Variants in PLCE1 observed in about 807,000 individuals in gnomAD.
PLCE1 encodes the protein 1-phosphatidylinositol 4,5-bisphosphate phosphodiesterase epsilon-1.
Under a neutral mutation model 242.8 loss-of-function variants are expected in PLCE1, and 119 were observed. The ratio of observed to expected loss-of-function variants is 0.49; its 90% CI spans 0.42 to 0.57. The LOEUF (loss-of-function observed/expected upper bound fraction) is 0.57. Ranked by LOEUF, PLCE1 falls within the 20% of genes least tolerant of loss-of-function variation. The pLI, the probability that PLCE1 is intolerant of heterozygous loss-of-function variation, is 0.00. For synonymous variants in PLCE1, 945 were observed against 1,017.4 expected (o/e 0.93, Z 1.35); for missense variants, 2,441 against 2,788.8 (o/e 0.88, Z 2.81).
At chr10:94,104,724 C>G (rs1286623998) in intron 2 of PLCE1, 2 of 152,202 alleles carry the variant, frequency 1.3e-5, no homozygotes, top group East Asian at 3.8e-4. Context: ...ACGGTGGACT[C>G]AAGTACAGTT....
intron 8 of PLCE1, among the ~76,000 whole-genome samples, chr10:94,248,531 A>G (rs2050767054): frequency 6.6e-6 from 1 of 152,182 alleles, no homozygotes. Context: ...TGGAGGTTGC[A>G]GTGAGCCAAG....
rs3051253 is a variant in PLCE1, at chr10:94,110,058, C to T, written c.1207-22116C>T. On this transcript the variant is annotated intron_variant, in intron 2 of 32. Coordinates refer to ENST00000371380, the MANE Select transcript of PLCE1 (RefSeq NM_016341.4). Reference sequence around the variant, plus strand: ...AGACCCTTTCCTTTTTTTCTTTTTTCTTTTTTTTTTTTTTTTTTTTTTGAG... The same window carrying T: ...AGACCCTTTCCTTTTTTTCTTTTTTTTTTTTTTTTTTTTTTTTTTTTTGAG... Among the ~76,000 whole-genome samples the T allele has an allele frequency of 2.1e-3, 156 of 75,894 alleles. 1 individual carries two copies. In the East Asian group the frequency reaches 0.034, roughly 17 times the overall value. The allele number at this position is 75,894 out of a possible 152,430, so 49.8% of individuals were successfully genotyped here. A position where few individuals can be genotyped will look rare whatever the true frequency, so the allele number is the denominator to read the frequency against.
intron 7 of PLCE1, among the ~76,000 whole-genome samples, chr10:94,240,940 C>A (rs1412861289): frequency 2.6e-5 from 4 of 152,170 alleles, no homozygotes; most frequent in Non-Finnish European, 5.9e-5. Context: ...TCCACCTTAT[C>A]CCTTCTTGTA....
At chr10:94,228,121 C>T (rs1272665784) in intron 5 of PLCE1, among the ~76,000 whole-genome samples, 2 of 152,216 alleles carry the variant, frequency 1.3e-5, no homozygotes, top group Non-Finnish European at 2.9e-5. Context: ...TGAGCTTGAC[C>T]ACTATGATAT....
At chr10:94,280,199 C>T in intron 20 of PLCE1, 1 of 447,566 alleles carries the variant, frequency 2.2e-6, no homozygotes, top group South Asian at 2.2e-5. Context: ...CCTGTTTTCA[C>T]CCTTTAGTTT....
At chr10:93,999,179 A>T (rs1332821341) in intron 1 of PLCE1, among the ~76,000 whole-genome samples, 1 of 152,242 alleles carries the variant, frequency 6.6e-6, no homozygotes, top group Non-Finnish European at 1.5e-5. Context: ...AAAGCTATCA[A>T]AATAAGAGAA....
In PLCE1 at chr10:94,262,679, G is replaced by T; in HGVS notation, c.4000G>T (p.Val1334Leu). 1.9e-6 allele frequency: 3 copies of T among 1,614,026 alleles called. No individual in the cohort carries two copies. The highest frequency in any genetic ancestry group is 2.5e-6 in the Non-Finnish European group (3 of 1,179,962). ...VGILQLNDFL[V>L]NCQGEHCTYD... ...CATACTTCAGCTCAACGATTTCCTC[G>T]TGAATTGCCAAGGAGAACACTGCAC... The change falls in exon 14 of 33, where the codon GTG becomes TTG. Residue 1334 changes from valine to leucine, a missense_variant. Val to Leu is a conservative substitution (Grantham distance 32, BLOSUM62 1). Around this residue, in one of 5 missense-constraint regions of PLCE1, gnomAD observed 1,004 missense variants for 1,322.7 expected, o/e 0.76. Transcript: ENST00000371380.
chr10:94,322,582 C>T (rs1453814205), intron 30 of PLCE1, among the ~76,000 whole-genome samples: 1 of 151,924 alleles, frequency 6.6e-6, no homozygotes, highest in African/African-American at 2.4e-5. Flanking sequence ...GTCAGGAGTT[C>T]GAGACCAGCC....
At chr10:94,116,991 G>A (rs2046152169) in intron 2 of PLCE1, among the ~76,000 whole-genome samples, 1 of 152,166 alleles carries the variant, frequency 6.6e-6, no homozygotes, top group African/African-American at 2.4e-5. Flanking sequence ...CAGGACCTCT[G>A]CCTCCTGTCT....
intron 7 of PLCE1, among the ~76,000 whole-genome samples, chr10:94,239,870 T>C (rs937883433): frequency 1.3e-5 from 2 of 152,108 alleles, no homozygotes; most frequent in African/African-American, 2.4e-5. Flanking sequence ...AGGAAATCAG[T>C]TATTCTCCAC....
At chr10:94,040,757 T>A (rs910783211) in intron 2 of PLCE1, among the ~76,000 whole-genome samples, 3 of 152,156 alleles carry the variant, frequency 2.0e-5, no homozygotes, top group African/African-American at 7.2e-5. Context: ...GACTGAACCC[T>A]CAGGTACATC....
intron 3 of PLCE1, among the ~76,000 whole-genome samples, chr10:94,140,297 T>C (rs974654031): frequency 3.3e-5 from 5 of 151,774 alleles, no homozygotes; most frequent in Admixed American, 6.6e-5. Context: ...CTTTGAGAGG[T>C]CGAGGCGAGC....
intron 10 of PLCE1, 150 bp from the exon 11 acceptor site, chr10:94,254,743 A>G: frequency 1.2e-6 from 1 of 848,044 alleles, no homozygotes; most frequent in Non-Finnish European, 2.0e-6. Context: ...AGATTAGCCC[A>G]TTCATAAAGA....
chr10:94,165,815 C>G (rs1385029511), intron 3 of PLCE1, among the ~76,000 whole-genome samples: 1 of 151,940 alleles, frequency 6.6e-6, no homozygotes, highest in African/African-American at 2.4e-5. Flanking sequence ...TCAAGTGATT[C>G]TTGTGCCTCA....
At chr10:94,221,299 G>GGT (rs145689705) in intron 4 of PLCE1, among the ~76,000 whole-genome samples, 280 of 151,862 alleles carry the variant, frequency 1.8e-3, no homozygotes, top group Middle Eastern at 0.014. Context: ...CCTCTGCAAG[G>GGT]GTGTGTGTGT....
chr10:94,038,341 T>C (rs549319319), intron 2 of PLCE1, among the ~76,000 whole-genome samples: 1 of 152,252 alleles, frequency 6.6e-6, no homozygotes, highest in Admixed American at 6.5e-5. Flanking sequence ...TAGACAGCGG[T>C]GCTGGGCTTA....
In PLCE1 at chr10:94,031,747, C is replaced by T. The variant is rs949698821; in HGVS notation, c.701C>T (p.Thr234Ile). The T allele has an allele frequency of 6.2e-7, 1 of 1,613,714 alleles. No individual in the cohort carries two copies. The highest frequency in any genetic ancestry group is 8.5e-7 in the Non-Finnish European group (1 of 1,179,868). ...EKQKKNYVAY[T>I]CKLMELAKNC... is the part of the protein sequence containing the mutation. ...CAAAAGAAAAACTATGTGGCATATA[C>T]CTGTAAACTGATGGAATTGGCCAAA... Residue 234 changes from threonine to isoleucine, a missense_variant, in exon 2 of 33, where the codon ACC becomes ATC. Thr to Ile is a moderately conservative substitution (Grantham distance 89). This residue lies in a region of PLCE1 where 393 missense variants were observed against 378.5 expected (regional missense o/e 1.04). Coordinates refer to ENST00000371380, the MANE Select transcript of PLCE1 (RefSeq NM_016341.4).
intron 3 of PLCE1, among the ~76,000 whole-genome samples, chr10:94,162,986 T>C (rs1370110290): frequency 1.3e-5 from 2 of 152,226 alleles, no homozygotes; most frequent in Non-Finnish European, 2.9e-5. Flanking sequence ...TTCTTAATCC[T>C]GAGTTCTAGT....
intron 1 of PLCE1, among the ~76,000 whole-genome samples, chr10:94,011,538 T>A (rs948140230): frequency 7.2e-5 from 11 of 152,084 alleles, no homozygotes; most frequent in Non-Finnish European, 1.2e-4. Flanking sequence ...CTGGAAGAGC[T>A]GGAGGCTATG....
Sources: gnomAD v4.1 joint callset for allele counts (sites outside exome capture counted in the v4.1 genomes callset) on GRCh38, gnomAD v4.1.1 for gene constraint, gnomAD v4.1.1 regional missense constraint, MANE v1.5 for transcripts, NCBI Gene and HGNC (gene_info 2026-07-23, HGNC 2026-07-21) for gene names.